The following DTWD2 variants were observed in gnomAD, a reference collection of about 807,000 sequenced individuals.
DTWD2 encodes DTW motif tRNA-uridine aminocarboxypropyltransferase 2, also known as tRNA-uridine aminocarboxypropyltransferase 2.
Under a neutral mutation model 31.8 loss-of-function variants are expected in DTWD2, and 39 were observed. The observed-to-expected ratio is 1.22, with a 90% CI of 0.95 to 1.60. The LOEUF (loss-of-function observed/expected upper bound fraction) is 1.60, where lower values mean the gene tolerates loss of function less well. Ranked by LOEUF, DTWD2 falls within the 40% of genes most tolerant of loss-of-function variation. DTWD2 has a pLI of 0.00. For missense variants in DTWD2, 515 were observed against 381.5 expected (o/e 1.35, Z -2.92); for synonymous variants, 180 against 142.8 (o/e 1.26, Z -1.86).
At chr5:118,862,362 A>C (rs1752281112) in intron 4 of DTWD2, among the ~76,000 whole-genome samples, 1 of 152,200 alleles carries the variant, frequency 6.6e-6, no homozygotes, top group African/African-American at 2.4e-5. Context: ...TAGTGAGTAA[A>C]GGAGGGCATC....
intron 1 of DTWD2, among the ~76,000 whole-genome samples, chr5:118,954,903 AT>A (rs558730646): frequency 5.3e-5 from 8 of 151,390 alleles, no homozygotes; most frequent in African/African-American, 7.3e-5. Flanking sequence ...CCATTCGTTA[AT>A]TTTTTTTTAT....
In DTWD2 at chr5:118,848,079, CA is replaced by C; in HGVS notation, c.726+10del. On this transcript the variant is annotated intron_variant, in intron 5 of 5. Transcript: ENST00000510708. ...CCCACTTTGAAAAACTATAACCTTA[CA>C]AAGACGTACCTCTTGTATGTAATTA... 6.5e-7 allele frequency: 1 copy of C among 1,533,300 alleles called. No homozygotes were observed. Among genetic ancestry groups the C allele is most frequent in the Non-Finnish European group, 8.7e-7 (1 of 1,146,474 alleles). The allele number at this position is 1,533,300 out of a possible 1,614,324, so 95.0% of individuals were successfully genotyped here.
intron 1 of DTWD2, among the ~76,000 whole-genome samples, chr5:118,978,809 C>G (rs1755224818): frequency 6.6e-6 from 1 of 150,812 alleles, no homozygotes; most frequent in Non-Finnish European, 1.5e-5. Context: ...AGTTAGAGAT[C>G]AGCCTGGGCA....
intron 4 of DTWD2, among the ~76,000 whole-genome samples, chr5:118,896,479 A>G (rs1409113921): frequency 6.6e-6 from 1 of 150,742 alleles, no homozygotes; most frequent in African/African-American, 2.5e-5. Flanking sequence ...AAAAAAAAAC[A>G]TTAATTCTCT....
At chr5:118,962,822 G>A (rs918442612) in intron 1 of DTWD2, among the ~76,000 whole-genome samples, 1 of 152,182 alleles carries the variant, frequency 6.6e-6, no homozygotes, top group Non-Finnish European at 1.5e-5. Context: ...GCTTAGAGAG[G>A]TTAAGTAACT....
At chr5:118,950,622 C>T (rs1433470365) in intron 1 of DTWD2, among the ~76,000 whole-genome samples, 1 of 152,142 alleles carries the variant, frequency 6.6e-6, no homozygotes, top group African/African-American at 2.4e-5. Context: ...GGAGGAATCC[C>T]GGGCTGCAGG....
chr5:118,941,372 T>G (rs957743547), intron 2 of DTWD2, among the ~76,000 whole-genome samples: 1 of 152,170 alleles, frequency 6.6e-6, no homozygotes, highest in East Asian at 1.9e-4. Context: ...TTCCCCTTCC[T>G]GTGTCCAAGT....
intron 5 of DTWD2, among the ~76,000 whole-genome samples, chr5:118,845,874 T>C (rs75107121): frequency 6.6e-6 from 1 of 152,162 alleles, no homozygotes; most frequent in Non-Finnish European, 1.5e-5. Context: ...TTTTAAGATA[T>C]CACATCACAA....
intron 4 of DTWD2, among the ~76,000 whole-genome samples, chr5:118,877,486 T>TA (rs920401592): frequency 2.0e-5 from 3 of 149,482 alleles, no homozygotes; most frequent in Admixed American, 6.7e-5. Flanking sequence ...ATAAAAAAAA[T>TA]AAAAAAAATA....
At chr5:118,897,157 A>G (rs1753101983) in intron 4 of DTWD2, among the ~76,000 whole-genome samples, 1 of 152,246 alleles carries the variant, frequency 6.6e-6, no homozygotes, top group East Asian at 1.9e-4. Context: ...TATTACAGTG[A>G]AAGAATACAA....
intron 4 of DTWD2, among the ~76,000 whole-genome samples, chr5:118,922,558 G>A (rs1291297787): frequency 6.6e-6 from 1 of 151,892 alleles, no homozygotes; most frequent in Non-Finnish European, 1.5e-5. Context: ...TATAGATTTG[G>A]GAAACTTATG....
At chr5:118,921,880 T>C (rs1031127079) in intron 4 of DTWD2, among the ~76,000 whole-genome samples, 4 of 152,186 alleles carry the variant, frequency 2.6e-5, no homozygotes, top group South Asian at 2.1e-4. Context: ...ATCAGATATA[T>C]AACATAAAGC....
At chr5:118,895,150 C>T (rs1473421409) in intron 4 of DTWD2, among the ~76,000 whole-genome samples, 2 of 152,022 alleles carry the variant, frequency 1.3e-5, no homozygotes, top group African/African-American at 2.4e-5. Context: ...AGAATTGATA[C>T]ATTAAGTAAA....
At chr5:118,939,175 T>C (rs1561463254) in intron 3 of DTWD2, 21 bp downstream of exon 3, 1 of 1,582,538 alleles carries the variant, frequency 6.3e-7, no homozygotes, top group Non-Finnish European at 8.6e-7. Context: ...ATTATTTACA[T>C]TGCCCTAACA....
chr5:118,931,820 C>G (rs994865190), intron 3 of DTWD2, among the ~76,000 whole-genome samples: 1 of 152,162 alleles, frequency 6.6e-6, no homozygotes, highest in Non-Finnish European at 1.5e-5. Context: ...CTCACCAAAA[C>G]AGACCACATT....
At chr5:118,898,759 A>G (rs953846493) in intron 4 of DTWD2, among the ~76,000 whole-genome samples, 1 of 152,214 alleles carries the variant, frequency 6.6e-6, no homozygotes, top group Non-Finnish European at 1.5e-5. Flanking sequence ...GTACAAAAAA[A>G]TTACAAAATT....
intron 1 of DTWD2, among the ~76,000 whole-genome samples, chr5:118,966,066 T>A (rs1312065672): frequency 1.3e-5 from 2 of 152,180 alleles, no homozygotes; most frequent in African/African-American, 4.8e-5. Context: ...CTATTTCTCT[T>A]GAGAAACTCA....
At chr5:118,866,922 A>C (rs1752393595) in intron 4 of DTWD2, among the ~76,000 whole-genome samples, 2 of 152,122 alleles carry the variant, frequency 1.3e-5, no homozygotes, top group Non-Finnish European at 2.9e-5. Flanking sequence ...GTCTCAAAAA[A>C]AAAAATGAAA....
chr5:118,949,646 A>G (rs1056873997), intron 1 of DTWD2, among the ~76,000 whole-genome samples: 1 of 152,124 alleles, frequency 6.6e-6, no homozygotes, highest in African/African-American at 2.4e-5. Context: ...ATTGGCATTG[A>G]GTGGGGTAAG....
Sources: allele counts gnomAD v4.1 joint callset (sites outside exome capture counted in the v4.1 genomes callset), GRCh38; gene constraint gnomAD v4.1.1; transcripts MANE v1.5; gene names NCBI Gene and HGNC (gene_info 2026-07-23, HGNC 2026-07-21).